Variants in SENP1 observed in about 807,000 individuals in gnomAD.
SENP1 encodes the protein sentrin-specific protease 1.
SENP1 carries 21 observed loss-of-function variants against 93.0 expected under a neutral mutation model. That is an observed-to-expected ratio of 0.23 (90% CI 0.16 to 0.33). The LOEUF (loss-of-function observed/expected upper bound fraction) is 0.33. Ranked by LOEUF, SENP1 falls within the 10% of genes least tolerant of loss-of-function variation. The pLI is 1.00. For missense variants in SENP1, 591 were observed against 758.7 expected (o/e 0.78, Z 2.60); for synonymous variants, 256 against 259.6 (o/e 0.99, Z 0.13).
intron 13 of SENP1, among the ~76,000 whole-genome samples, chr12:48,056,926 A>G (rs1483544842): frequency 6.7e-5 from 4 of 59,954 alleles, no homozygotes; most frequent in Non-Finnish European, 1.0e-4. Flanking sequence ...ATAATATATT[A>G]TTTAATATAT....
chr12:48,057,941 CTT>C (rs370210767), intron 13 of SENP1, among the ~76,000 whole-genome samples: 1,294 of 85,598 alleles, frequency 0.015, 13 homozygotes, highest in African/African-American at 0.056. Flanking sequence ...TTTATTTCCT[CTT>C]TTTTTTTTTT....
intron 6 of SENP1, among the ~76,000 whole-genome samples, chr12:48,081,958 G>A (rs1185479052): frequency 1.3e-5 from 2 of 151,718 alleles, no homozygotes; most frequent in African/African-American, 2.4e-5. Context: ...GCGCGATTTC[G>A]GCTCACTGCA....
intron 1 of SENP1, among the ~76,000 whole-genome samples, chr12:48,104,477 A>G (rs577857075): frequency 2.0e-5 from 3 of 152,228 alleles, no homozygotes; most frequent in South Asian, 2.1e-4. Flanking sequence ...CTATTTTTAC[A>G]TGTAATCTCT....
chr12:48,080,239 TA>T (rs1452025316), intron 6 of SENP1: 1 of 152,226 alleles, frequency 6.6e-6, no homozygotes, highest in Non-Finnish European at 1.5e-5. Flanking sequence ...AATGAATACT[TA>T]AAATGTGGCT....
intron 9 of SENP1, 94 bp downstream of exon 9, chr12:48,071,573 G>A (rs1173431084): frequency 7.3e-5 from 60 of 826,172 alleles, no homozygotes; most frequent in Non-Finnish European, 1.0e-4. Context: ...CCAAGATCGC[G>A]CCACTACACT....
chr12:48,071,163 C>A (rs958433021), intron 9 of SENP1, among the ~76,000 whole-genome samples: 1 of 151,780 alleles, frequency 6.6e-6, no homozygotes, highest in African/African-American at 2.4e-5. Context: ...TGGTGGAAGA[C>A]GGAATGAAGA....
chr12:48,100,856 A>G (rs1290850881), intron 2 of SENP1, among the ~76,000 whole-genome samples: 1 of 152,236 alleles, frequency 6.6e-6, no homozygotes, highest in East Asian at 1.9e-4. Context: ...TAAGGATTAA[A>G]TGAACCAATA....
At chr12:48,085,443 C>G in intron 5 of SENP1, 1 of 840,646 alleles carries the variant, frequency 1.2e-6, no homozygotes, top group South Asian at 1.8e-5. Flanking sequence ...GAGGACTCCT[C>G]ACAGCCCTCA....
chr12:48,059,909 A>G (rs1418975113), intron 13 of SENP1, among the ~76,000 whole-genome samples: 2 of 152,070 alleles, frequency 1.3e-5, no homozygotes, highest in African/African-American at 4.8e-5. Flanking sequence ...ACTGGTTGGA[A>G]CATAAACTAT....
intron 4 of SENP1, among the ~76,000 whole-genome samples, chr12:48,094,741 G>C (rs1364181085): frequency 6.6e-6 from 1 of 152,046 alleles, no homozygotes; most frequent in African/African-American, 2.4e-5. Context: ...ATTGGGTTAT[G>C]AGAAGGGAAC....
At chr12:48,053,189 G>A (rs997976814) in intron 13 of SENP1, among the ~76,000 whole-genome samples, 2 of 152,042 alleles carry the variant, frequency 1.3e-5, no homozygotes, top group African/African-American at 4.8e-5. Context: ...TAGAATGCTA[G>A]ACAAAGCTGG....
At chr12:48,092,394 A>G (rs901539052) in intron 4 of SENP1, among the ~76,000 whole-genome samples, 5 of 152,206 alleles carry the variant, frequency 3.3e-5, no homozygotes, top group African/African-American at 1.2e-4. Context: ...AAGTTTTTTT[A>G]AAGTCCATAG....
rs527822277 is a variant in SENP1, at chr12:48,049,173, C to T, written c.1408-41G>A. 2.7e-6 allele frequency: 4 copies of T among 1,488,872 alleles called. No individual in the cohort carries two copies. The South Asian group carries it at 4.6e-5, about 17-fold the overall frequency. The allele number at this position is 1,488,872 out of a possible 1,614,324, so 92.2% of individuals were successfully genotyped here. ...ACACCTATTAGAATAGACACTCAGGCCTAGCCTTTCAAAATAGTTGCAGTT... is the reference window on the plus strand; with the variant it reads ...ACACCTATTAGAATAGACACTCAGGTCTAGCCTTTCAAAATAGTTGCAGTT... On this transcript the variant is annotated intron_variant, in intron 13 of 17. Transcript: ENST00000549518.
At chr12:48,063,964 TGTTAATCAGTTTACTTCTAACATTTTG>T in intron 12 of SENP1, 123 bp from the exon 13 acceptor site, 1 of 958,060 alleles carries the variant, frequency 1.0e-6, no homozygotes, top group South Asian at 1.9e-5. Flanking sequence ...ATAAATTTAC[TGTTAATCAGTTTACTTCTAACATTTTG>T]GTTTCTATTC....
chr12:48,056,178 T>C (rs1942290488), intron 13 of SENP1, among the ~76,000 whole-genome samples: 1 of 114,468 alleles, frequency 8.7e-6, no homozygotes, highest in Non-Finnish European at 1.6e-5. Flanking sequence ...TTATTTTATA[T>C]ATATTATTTA....
At chr12:48,088,162 C>T (rs1479977843) in intron 5 of SENP1, among the ~76,000 whole-genome samples, 1 of 152,010 alleles carries the variant, frequency 6.6e-6, no homozygotes, top group Non-Finnish European at 1.5e-5. Flanking sequence ...AAGTGATTCT[C>T]CTGCCTCAGC....
rs370769368 is a variant in SENP1 at position 48,049,244 on chromosome 12, A to G, written c.1408-112T>C. On this transcript the variant is annotated intron_variant, in intron 13 of 17. Transcript: ENST00000549518. ...TAATTGTTTCCTAATAAACTGAATT[A>G]AGTCTTCAACATCCAACAGATTCAT... The G allele has an allele frequency of 1.0e-5, 8 of 775,736 alleles. No homozygotes were observed. The African/African-American group carries it at 1.0e-4, about 10-fold the overall frequency. 48.1% of individuals were successfully genotyped at this position (775,736 alleles called of 1,614,324 possible).
At chr12:48,104,597 G>C (rs1366666635) in intron 1 of SENP1, among the ~76,000 whole-genome samples, 1 of 152,144 alleles carries the variant, frequency 6.6e-6, no homozygotes, top group African/African-American at 2.4e-5. Flanking sequence ...CGTGCATTAA[G>C]AAAGGGTCCC....
intron 13 of SENP1, among the ~76,000 whole-genome samples, chr12:48,059,168 CATT>C (rs1340886230): frequency 1.3e-5 from 2 of 152,148 alleles, no homozygotes; most frequent in South Asian, 2.1e-4. Flanking sequence ...AATCTTCCAT[CATT>C]ATTTCTTCAA....
Sources: gnomAD v4.1 joint callset for allele counts (sites outside exome capture counted in the v4.1 genomes callset) on GRCh38, gnomAD v4.1.1 for gene constraint, MANE v1.5 for transcripts, NCBI Gene and HGNC (gene_info 2026-07-23, HGNC 2026-07-21) for gene names.